The following MEI4 variants were observed in gnomAD, a reference collection of about 807,000 sequenced individuals.
MEI4 encodes the protein meiotic double-stranded break formation protein 4.
MEI4 carries 27 observed loss-of-function variants against 31.4 expected under a neutral mutation model. That is an observed-to-expected ratio of 0.86 (90% confidence interval 0.63 to 1.19). MEI4 has a LOEUF of 1.19. MEI4 is among the 50% of genes most tolerant of loss of function. MEI4 has a pLI of 0.00. For synonymous variants in MEI4, 122 were observed against 145.4 expected (o/e 0.84, Z 1.16); for missense variants, 329 against 398.9 (o/e 0.82, Z 1.49).
chr6:77,818,161 G>T (rs1178367877), intron 3 of MEI4, among the ~76,000 whole-genome samples: 1 of 152,012 alleles, frequency 6.6e-6, no homozygotes, highest in Non-Finnish European at 1.5e-5. Context: ...AACTTACATT[G>T]CTGCCTAGCC....
intron 3 of MEI4, among the ~76,000 whole-genome samples, chr6:77,774,037 A>G (rs754116231): frequency 2.6e-5 from 4 of 152,010 alleles, no homozygotes; most frequent in East Asian, 1.9e-4. Flanking sequence ...GGATGTGGAG[A>G]AAAAAAGACC....
At chr6:77,864,895 T>G (rs1239157334) in intron 4 of MEI4, among the ~76,000 whole-genome samples, 3 of 152,164 alleles carry the variant, frequency 2.0e-5, no homozygotes, top group Non-Finnish European at 4.4e-5. Context: ...CAGACCACAG[T>G]GCAATCAAAC....
chr6:77,766,894 T>C (rs1226946380), intron 3 of MEI4, among the ~76,000 whole-genome samples: 1 of 152,230 alleles, frequency 6.6e-6, no homozygotes, highest in African/African-American at 2.4e-5. Context: ...AGTTAGGACA[T>C]TGTTTTAGTA....
Position 77,769,570 on chromosome 6 carries a change from G to A in MEI4, c.768+7905G>A, listed in dbSNP as rs574970185. ...GTCACCCCTCCACCAACCCCAGGCA[G>A]TACAGATTGTACCTCCAAGACCCCT... On this transcript the variant is annotated intron_variant, in intron 3 of 4. Transcript: ENST00000684080. Among the ~76,000 whole-genome samples, 179 of 152,188 alleles carry A rather than the reference G, an allele frequency of 1.2e-3. 1 individual carries two copies. The highest frequency in any genetic ancestry group is 2.1e-3 in the Non-Finnish European group (143 of 68,008).
At chr6:77,749,031 C>T (rs574524601) in intron 2 of MEI4, among the ~76,000 whole-genome samples, 2 of 152,134 alleles carry the variant, frequency 1.3e-5, no homozygotes, top group African/African-American at 2.4e-5. Context: ...AGCAGAGGGG[C>T]CTGTTAGAAG....
intron 3 of MEI4, among the ~76,000 whole-genome samples, chr6:77,772,256 CAA>C (rs58119358): frequency 0.23 from 32,240 of 140,280 alleles, 5,064 homozygotes; most frequent in African/African-American, 0.44. Flanking sequence ...AAAGACACAT[CAA>C]AAAAAAAAAA....
At chr6:77,802,571 G>T (rs981025842) in intron 3 of MEI4, among the ~76,000 whole-genome samples, 2 of 152,170 alleles carry the variant, frequency 1.3e-5, no homozygotes, top group African/African-American at 4.8e-5. Flanking sequence ...AGCCTCAATG[G>T]TCTTTATAAC....
At chr6:77,703,259 G>T (rs1001536716) in intron 2 of MEI4, among the ~76,000 whole-genome samples, 1 of 152,184 alleles carries the variant, frequency 6.6e-6, no homozygotes, top group Non-Finnish European at 1.5e-5. Context: ...TATCTGCCAA[G>T]CCCCTGTAAC....
rs148545060 is a variant in MEI4 at position 77,764,311 on chromosome 6, G to A, written c.768+2646G>A. Among the ~76,000 whole-genome samples, 215 of 152,160 alleles carry A rather than the reference G, an allele frequency of 1.4e-3. 1 individual carries two copies. The highest frequency in any genetic ancestry group is 4.5e-3 in the African/African-American group (186 of 41,514). Reference sequence around the variant, plus strand: ...CCATTTTATGTCTAAACCATCCATTGTAATACCTCCTTTTTGATTTCTGAT... The same window carrying A: ...CCATTTTATGTCTAAACCATCCATTATAATACCTCCTTTTTGATTTCTGAT... On this transcript the variant is annotated intron_variant, in intron 3 of 4. Coordinates refer to ENST00000684080, the MANE Select transcript of MEI4 (RefSeq NM_001322247.2).
chr6:77,712,044 C>A (rs1370403253), intron 2 of MEI4, among the ~76,000 whole-genome samples: 1 of 152,132 alleles, frequency 6.6e-6, no homozygotes, highest in Admixed American at 6.6e-5. Flanking sequence ...TTGTAGATGA[C>A]TTCTTATATA....
chr6:77,829,991 T>G (rs1241797414), intron 4 of MEI4, among the ~76,000 whole-genome samples: 1 of 152,072 alleles, frequency 6.6e-6, no homozygotes, highest in Admixed American at 6.6e-5. Flanking sequence ...TAAGAGCTGT[T>G]AGATTTTTTT....
intron 2 of MEI4, among the ~76,000 whole-genome samples, chr6:77,742,447 T>C (rs180743310): frequency 1.5e-3 from 222 of 152,216 alleles, no homozygotes; most frequent in African/African-American, 4.5e-3. Flanking sequence ...TCATGTCCTT[T>C]GCCCACTTTT....
chr6:77,868,872 C>T (rs1771128651), intron 4 of MEI4, among the ~76,000 whole-genome samples: 1 of 152,028 alleles, frequency 6.6e-6, no homozygotes, highest in Admixed American at 6.6e-5. Context: ...CCAAGTGCAG[C>T]ACAGCCTGGT....
At chr6:77,780,804 A>G (rs1035555705) in intron 3 of MEI4, among the ~76,000 whole-genome samples, 4 of 152,160 alleles carry the variant, frequency 2.6e-5, no homozygotes, top group Non-Finnish European at 4.4e-5. Flanking sequence ...ATTGATGAGT[A>G]TCTAATGTCT....
At chr6:77,744,485 A>G (rs1025274322) in intron 2 of MEI4, among the ~76,000 whole-genome samples, 4 of 152,182 alleles carry the variant, frequency 2.6e-5, no homozygotes, top group Non-Finnish European at 4.4e-5. Context: ...GACCAAATCT[A>G]CGTCTGATTG....
intron 1 of MEI4, among the ~76,000 whole-genome samples, chr6:77,670,193 G>C (rs1036673060): frequency 1.3e-5 from 2 of 151,846 alleles, no homozygotes; most frequent in Admixed American, 6.6e-5. Flanking sequence ...TGCTTTCGGA[G>C]AAATATTGAA....
At position 77,906,265 on chromosome 6, in the gene MEI4, C is replaced by T. The variant is rs145989058; in HGVS notation, c.901-16824C>T. Reference sequence around the variant, plus strand: ...TTTTAATGTTTCTTGTTGCTTTGTGCTGATGTCTGCACATTTGGTGGAGAA... The same window carrying T: ...TTTTAATGTTTCTTGTTGCTTTGTGTTGATGTCTGCACATTTGGTGGAGAA... On this transcript the variant is annotated intron_variant, in intron 4 of 4. Coordinates refer to ENST00000684080, the MANE Select transcript of MEI4 (RefSeq NM_001322247.2). Among the ~76,000 whole-genome samples the T allele has an allele frequency of 1.9e-3, 286 of 152,114 alleles. 3 individuals carry two copies. Among genetic ancestry groups the T allele is most frequent in the African/African-American group, 6.1e-3 (253 of 41,486 alleles).
At chr6:77,739,787 G>T (rs114407995) in intron 2 of MEI4, among the ~76,000 whole-genome samples, 4 of 150,768 alleles carry the variant, frequency 2.7e-5, no homozygotes, top group African/African-American at 9.7e-5. Context: ...ATTTTTTTGT[G>T]TCTCAATGTC....
At chr6:77,810,211 G>A (rs977145774) in intron 3 of MEI4, among the ~76,000 whole-genome samples, 1 of 152,146 alleles carries the variant, frequency 6.6e-6, no homozygotes, top group Non-Finnish European at 1.5e-5. Flanking sequence ...TGAGTGTTGA[G>A]GTATATCTAG....
Sources: allele counts gnomAD v4.1 joint callset (sites outside exome capture counted in the v4.1 genomes callset), GRCh38; gene constraint gnomAD v4.1.1; transcripts MANE v1.5; gene names NCBI Gene and HGNC (gene_info 2026-07-23, HGNC 2026-07-21).